MICAL3: variants seen among roughly 807,000 people sequenced by gnomAD.
MICAL3 encodes the protein microtubule associated monooxygenase, calponin and LIM domain containing 3, also known as [F-actin]-monooxygenase MICAL3.
In MICAL3, 62 loss-of-function variants were observed where a neutral mutation model predicts 207.4. The ratio of observed to expected loss-of-function variants is 0.30; its 90% CI spans 0.24 to 0.37. MICAL3 has a LOEUF of 0.37. Ranked by LOEUF, MICAL3 falls within the 10% of genes least tolerant of loss-of-function variation. MICAL3 has a pLI of 1.00. For missense variants in MICAL3, 2,368 were observed against 2,635.6 expected (o/e 0.90, Z 2.22); for synonymous variants, 1,077 against 1,069.3 (o/e 1.01, Z -0.14).
chr22:17,867,793 T>C (rs1416677812), intron 17 of MICAL3, among the ~76,000 whole-genome samples: 1 of 152,260 alleles, frequency 6.6e-6, no homozygotes, highest in African/African-American at 2.4e-5. Flanking sequence ...GTCATCTGCA[T>C]TGGGTTTCTA....
chr22:17,975,222 C>T (rs1341506466), intron 1 of MICAL3, among the ~76,000 whole-genome samples: 2 of 152,280 alleles, frequency 1.3e-5, no homozygotes, highest in South Asian at 2.1e-4. Flanking sequence ...AGTCAAGCTG[C>T]AGTCACCACA....
chr22:17,798,673 CT>C lies in MICAL3; in HGVS notation c.5651-7373del, dbSNP rs375673869. Among the ~76,000 whole-genome samples the C allele has an allele frequency of 6.4e-3, 835 of 130,634 alleles. 4 individuals carry two copies. Among genetic ancestry groups the C allele is most frequent in the Admixed American group, 0.012 (159 of 13,192 alleles). The allele number at this position is 130,634 out of a possible 152,430, so 85.7% of individuals were successfully genotyped here. On this transcript the variant is annotated intron_variant, in intron 29 of 31. Transcript: ENST00000441493. ...ATGATAAATAGTGTTGGAGCAATGCCTTTTTTTTTTTTTTTTTTGAGACAGA... is the reference window on the plus strand; with the variant it reads ...ATGATAAATAGTGTTGGAGCAATGCCTTTTTTTTTTTTTTTTTGAGACAGA...
chr22:17,799,261 A>G (rs1034218016), intron 29 of MICAL3, among the ~76,000 whole-genome samples: 1 of 152,158 alleles, frequency 6.6e-6, no homozygotes, highest in African/African-American at 2.4e-5. Flanking sequence ...GCACGCCTGT[A>G]GTCCCAGCTA....
chr22:17,812,317 G>A (rs1184065350), intron 27 of MICAL3, among the ~76,000 whole-genome samples: 3 of 152,236 alleles, frequency 2.0e-5, no homozygotes, highest in Admixed American at 6.5e-5. Context: ...AGCCGGTGAG[G>A]AGCAGGTGTC....
At chr22:17,865,874 T>G (rs765470957) in intron 18 of MICAL3, 50 bp downstream of exon 18, 34 of 1,496,362 alleles carry the variant, frequency 2.3e-5, no homozygotes, top group Non-Finnish European at 3.2e-5. Context: ...ATAGCCACAC[T>G]GCTGCAACAC....
intron 1 of MICAL3, among the ~76,000 whole-genome samples, chr22:17,971,172 G>A (rs764486807): frequency 7.9e-5 from 12 of 151,218 alleles, no homozygotes; most frequent in Non-Finnish European, 1.0e-4. Context: ...GCAAGACCCC[G>A]TGTCAGAAAA....
chr22:17,964,372 G>A lies in MICAL3; in HGVS notation c.-74-57486C>T, dbSNP rs57976960. On this transcript the variant is annotated intron_variant, in intron 1 of 31. Coordinates refer to ENST00000441493, the MANE Select transcript of MICAL3 (RefSeq NM_015241.3). ...CCGTCTCCCAGCCATGTACACAGTA[G>A]CTGCTGGCTGAGGACACTGCTGCCA... Among the ~76,000 whole-genome samples the A allele has an allele frequency of 1.1e-3, 165 of 152,316 alleles. 1 individual carries two copies. The highest frequency in any genetic ancestry group is 3.8e-3 in the African/African-American group (159 of 41,568).
chr22:17,964,206 A>G (rs573754792), intron 1 of MICAL3, among the ~76,000 whole-genome samples: 1 of 152,212 alleles, frequency 6.6e-6, no homozygotes, highest in Non-Finnish European at 1.5e-5. Flanking sequence ...GACCCAAAAA[A>G]TCTGCCTCTC....
intron 1 of MICAL3, among the ~76,000 whole-genome samples, chr22:18,020,526 C>G (rs771686240): frequency 2.0e-5 from 3 of 148,962 alleles, no homozygotes; most frequent in Admixed American, 6.7e-5. Flanking sequence ...TGTTACACTA[C>G]TATTAACCAG....
At chr22:17,826,740 C>A (rs79200414) in intron 22 of MICAL3, among the ~76,000 whole-genome samples, 248 of 152,304 alleles carry the variant, frequency 1.6e-3, no homozygotes, top group African/African-American at 5.8e-3. Context: ...GGGCCACCGC[C>A]GGCCCAGGGC....
intron 1 of MICAL3, among the ~76,000 whole-genome samples, chr22:17,957,815 A>C (rs1416495702): frequency 6.6e-6 from 1 of 152,116 alleles, no homozygotes; most frequent in Non-Finnish European, 1.5e-5. Context: ...GAAGCTCTGA[A>C]GAAGATGAAA....
chr22:17,855,500 G>A (rs1312424870), intron 19 of MICAL3, among the ~76,000 whole-genome samples: 3 of 152,282 alleles, frequency 2.0e-5, no homozygotes, highest in East Asian at 1.9e-4. Context: ...CCCCAAGCAT[G>A]TTCCCCAATC....
chr22:17,918,694 C>T (rs934118103), intron 1 of MICAL3, among the ~76,000 whole-genome samples: 2 of 152,190 alleles, frequency 1.3e-5, no homozygotes, highest in Admixed American at 1.3e-4. Context: ...TGCCGCCAGC[C>T]TCTCCATCCC....
At chr22:17,838,075 G>A (rs1403007987) in intron 20 of MICAL3, among the ~76,000 whole-genome samples, 2 of 152,198 alleles carry the variant, frequency 1.3e-5, no homozygotes, top group Non-Finnish European at 2.9e-5. Context: ...ACAGTGCTGG[G>A]ATTACGGGTG....
chr22:17,977,738 A>C (rs1302634150), intron 1 of MICAL3, among the ~76,000 whole-genome samples: 1 of 152,068 alleles, frequency 6.6e-6, no homozygotes, highest in Non-Finnish European at 1.5e-5. Context: ...AAAAATATAC[A>C]CCTGGCCAGG....
intron 19 of MICAL3, among the ~76,000 whole-genome samples, chr22:17,843,586 C>A (rs930218330): frequency 6.6e-6 from 1 of 152,222 alleles, no homozygotes; most frequent in Non-Finnish European, 1.5e-5. Context: ...CCGAGTGACA[C>A]GATGCACACA....
intron 1 of MICAL3, among the ~76,000 whole-genome samples, chr22:17,936,944 C>T (rs890812286): frequency 6.6e-6 from 1 of 152,292 alleles, no homozygotes; most frequent in East Asian, 1.9e-4. Context: ...CCTTCCTCTG[C>T]AAGAGCACAG....
intron 25 of MICAL3, 134 bp from the exon 26 acceptor site, chr22:17,819,263 T>A (rs1921280957): frequency 2.2e-6 from 2 of 899,894 alleles, no homozygotes; most frequent in Admixed American, 7.3e-5. Context: ...CCAGCTGTTA[T>A]TAGAACAGCT....
At chr22:17,970,409 A>T (rs1262814344) in intron 1 of MICAL3, among the ~76,000 whole-genome samples, 1 of 152,114 alleles carries the variant, frequency 6.6e-6, no homozygotes, top group African/African-American at 2.4e-5. Flanking sequence ...TGATCAGAGG[A>T]TCTTCGTGAT....
Sources: gnomAD v4.1 joint callset for allele counts (sites outside exome capture counted in the v4.1 genomes callset) on GRCh38, gnomAD v4.1.1 for gene constraint, MANE v1.5 for transcripts, NCBI Gene and HGNC (gene_info 2026-07-23, HGNC 2026-07-21) for gene names.